ESYT2: variants seen among roughly 807,000 people sequenced by gnomAD.
ESYT2 encodes the protein extended synaptotagmin 2.
In ESYT2, 54 loss-of-function variants were observed where a neutral mutation model predicts 107.2. The ratio of observed to expected loss-of-function variants is 0.50; its 90% CI spans 0.40 to 0.63. ESYT2 has a LOEUF of 0.63. Ranked by LOEUF, ESYT2 falls within the 30% of genes least tolerant of loss-of-function variation. The pLI is 0.00. For synonymous variants in ESYT2, 491 were observed against 434.1 expected (o/e 1.13, Z -1.63); for missense variants, 1,020 against 1,094.5 (o/e 0.93, Z 0.96).
At chr7:158,765,175 G>A (rs1587409415) in intron 8 of ESYT2, among the ~76,000 whole-genome samples, 1 of 152,006 alleles carries the variant, frequency 6.6e-6, no homozygotes, top group East Asian at 1.9e-4. Context: ...GCGCGCTCCT[G>A]GCAGAGGGAC....
chr7:158,735,510 A>G lies in ESYT2; in HGVS notation c.2498T>C (p.Leu833Pro), dbSNP rs1424892529. The G allele has an allele frequency of 6.2e-7, 1 of 1,613,864 alleles. No individual in the cohort carries two copies. Among genetic ancestry groups the G allele is most frequent in the Non-Finnish European group, 8.5e-7 (1 of 1,179,876 alleles). Residue 833 changes from leucine to proline, a missense_variant, in exon 21 of 23, where the codon CTT becomes CCT. By Grantham distance (98) the Leu-to-Pro change is moderately conservative (BLOSUM62 -3). Transcript: ENST00000275418. ...GGFLSKDKGL[L>P]GKVLVALASE... ...GATTCGTTTGGCACTTACTTTGCCA[A>G]GGAGCCCTTTGTCTTTGGACAGGAA...
chr7:158,767,968 T>C (rs1838220613), intron 7 of ESYT2, among the ~76,000 whole-genome samples, 194 bp from the exon 8 acceptor site: 1 of 152,234 alleles, frequency 6.6e-6, no homozygotes, highest in South Asian at 2.1e-4. Context: ...ATGGTGACTA[T>C]GATACAGAAT....
At chr7:158,763,837 G>A (rs534197436) in intron 9 of ESYT2, among the ~76,000 whole-genome samples, 1 of 152,174 alleles carries the variant, frequency 6.6e-6, no homozygotes, top group Non-Finnish European at 1.5e-5. Flanking sequence ...TAGTCCTGAA[G>A]TGGCTCCACT....
chr7:158,761,347 T>C (rs1000627600), intron 11 of ESYT2, 149 bp downstream of exon 11: 4 of 651,320 alleles, frequency 6.1e-6, no homozygotes, highest in Non-Finnish European at 1.1e-5. Context: ...GCCTAAATTC[T>C]TAGTATATGT....
intron 6 of ESYT2, among the ~76,000 whole-genome samples, chr7:158,785,126 T>TA (rs1225285052): frequency 6.6e-6 from 1 of 152,112 alleles, no homozygotes; most frequent in Non-Finnish European, 1.5e-5. Context: ...TCCTTACTGA[T>TA]AATTCACCTC....
chr7:158,799,056 GT>G lies in ESYT2; in HGVS notation c.346del (p.Thr116LeufsTer7). ...DLPAWVHFPDTERAEWLNKTV... is the reference protein window; with the variant it reads ...DLPAWVHFPDXERAEWLNKTV... ...CTTATTTAGCCATTCTGCTCTTTCA[GT>G]GTCTGGAAAATGAACCTAGGAGGAA... On this transcript the variant is annotated frameshift_variant, in exon 2 of 23. Coordinates refer to ENST00000275418, the MANE Select transcript of ESYT2 (RefSeq NM_001367773.1). LOFTEE classifies it high-confidence loss of function. 1 of 1,613,642 alleles carries G rather than the reference GT, an allele frequency of 6.2e-7. No individual in the cohort carries two copies. The highest frequency in any genetic ancestry group is 8.5e-7 in the Non-Finnish European group (1 of 1,179,644).
In ESYT2 at chr7:158,782,374, GAAC is replaced by G. The variant is rs1446371585; in HGVS notation, c.747+5627_747+5629del. ...TAAGAACGTGAGTGAACGAGTGTGAGAACAAAGTGAGGTAAGAACGAGAACAAG... is the reference window on the plus strand; with the variant it reads ...TAAGAACGTGAGTGAACGAGTGTGAGAAAGTGAGGTAAGAACGAGAACAAG... On this transcript the variant is annotated intron_variant, in intron 6 of 22. Transcript: ENST00000275418. Among the ~76,000 whole-genome samples, 38 of 95,372 alleles carry G rather than the reference GAAC, an allele frequency of 4.0e-4. 1 individual carries two copies. The highest frequency in any genetic ancestry group is 1.6e-3 in the African/African-American group (37 of 23,274). 62.6% of individuals were successfully genotyped at this position (95,372 alleles called of 152,430 possible). A position where few individuals can be genotyped will look rare whatever the true frequency, so the allele number is the denominator to read the frequency against.
chr7:158,754,119 C>T (rs1333322898), intron 13 of ESYT2, among the ~76,000 whole-genome samples: 1 of 152,144 alleles, frequency 6.6e-6, no homozygotes, highest in Non-Finnish European at 1.5e-5. Flanking sequence ...CGTCGGGAGG[C>T]CTCTGGAGTT....
chr7:158,829,049 T>A, intron 1 of ESYT2, 40 bp downstream of exon 1: 1 of 1,553,542 alleles, frequency 6.4e-7, no homozygotes, highest in Non-Finnish European at 8.6e-7. Flanking sequence ...AGATCGGGAC[T>A]GGTGGTCAGG....
At position 158,799,056 on chromosome 7, in the gene ESYT2, G is replaced by C. The variant is rs761759297; in HGVS notation, c.347C>G (p.Thr116Ser). 6.2e-7 allele frequency: 1 copy of C among 1,613,642 alleles called. No homozygotes were observed. Among genetic ancestry groups the C allele is most frequent in the South Asian group, 1.1e-5 (1 of 91,042 alleles). The part of the protein sequence containing the change: ...DLPAWVHFPD[T>S]ERAEWLNKTV... The stretch of plus-strand genomic sequence containing the variant: ...CTTATTTAGCCATTCTGCTCTTTCA[G>C]TGTCTGGAAAATGAACCTAGGAGGA... Residue 116 changes from threonine to serine, a missense_variant, in exon 2 of 23, where the codon ACT (threonine) becomes AGT (serine). Coordinates refer to ENST00000275418, the MANE Select transcript of ESYT2 (RefSeq NM_001367773.1).
intron 1 of ESYT2, among the ~76,000 whole-genome samples, chr7:158,813,930 T>C (rs769248248): frequency 6.6e-6 from 1 of 152,020 alleles, no homozygotes; most frequent in Non-Finnish European, 1.5e-5. Flanking sequence ...GTTTAAAAAA[T>C]ATACGTTCCT....
intron 1 of ESYT2, among the ~76,000 whole-genome samples, chr7:158,811,394 AAG>A (rs1283510441): frequency 1.3e-5 from 2 of 152,222 alleles, no homozygotes; most frequent in Non-Finnish European, 2.9e-5. Flanking sequence ...CTGGTCCTTA[AAG>A]AGCACATGGC....
intron 3 of ESYT2, among the ~76,000 whole-genome samples, chr7:158,796,377 C>CA (rs1839458391): frequency 1.3e-5 from 2 of 152,202 alleles, no homozygotes; most frequent in Admixed American, 6.5e-5. Flanking sequence ...ACTCCATTAA[C>CA]AAAATCCATC....
chr7:158,772,930 A>C (rs1019398322), intron 7 of ESYT2, among the ~76,000 whole-genome samples: 7 of 150,844 alleles, frequency 4.6e-5, no homozygotes, highest in Admixed American at 1.3e-4. Flanking sequence ...TGGGGTAGCC[A>C]TAGGCTGGAG....
At chr7:158,823,294 C>CAA (rs1173735798) in intron 1 of ESYT2, among the ~76,000 whole-genome samples, 400 of 29,732 alleles carry the variant, frequency 0.013, 34 homozygotes, top group African/African-American at 0.032. Context: ...GACTCTGTCT[C>CAA]AAAAAAAAAA....
chr7:158,823,263 C>T (rs1387468539), intron 1 of ESYT2, among the ~76,000 whole-genome samples: 2 of 140,004 alleles, frequency 1.4e-5, no homozygotes, highest in Non-Finnish European at 3.1e-5. Context: ...CCACTGTGCC[C>T]CAGCCTGGGC....
intron 19 of ESYT2, among the ~76,000 whole-genome samples, chr7:158,738,327 ATACACACACACACACAGACAC>A (rs1447318794): frequency 9.5e-6 from 1 of 105,432 alleles, no homozygotes; most frequent in African/African-American, 3.7e-5. Flanking sequence ...AAAAAAAAAA[ATACACACACACACACAGACAC>A]ACACACACAC....
intron 6 of ESYT2, among the ~76,000 whole-genome samples, chr7:158,773,615 A>G (rs1838449707): frequency 6.6e-6 from 1 of 152,140 alleles, no homozygotes; most frequent in Non-Finnish European, 1.5e-5. Flanking sequence ...TGCTAGTAAA[A>G]TCATGAAATA....
At chr7:158,769,319 C>A (rs1372911552) in intron 7 of ESYT2, among the ~76,000 whole-genome samples, 1 of 152,248 alleles carries the variant, frequency 6.6e-6, no homozygotes, top group Non-Finnish European at 1.5e-5. Flanking sequence ...CCAGCAGACA[C>A]TGGCTGTGTG....
Sources: gnomAD v4.1 joint callset for allele counts (sites outside exome capture counted in the v4.1 genomes callset) on GRCh38, gnomAD v4.1.1 for gene constraint, MANE v1.5 for transcripts, NCBI Gene and HGNC (gene_info 2026-07-23, HGNC 2026-07-21) for gene names.